The following ARMC9 variants were observed in gnomAD, a reference collection of about 807,000 sequenced individuals.
The protein encoded by ARMC9 is lisH domain-containing protein ARMC9.
ARMC9 carries 94 observed loss-of-function variants against 107.0 expected under a neutral mutation model. The ratio of observed to expected loss-of-function variants is 0.88; its 90% confidence interval spans 0.74 to 1.04. ARMC9 has a LOEUF of 1.04. Among genes scored for constraint, ARMC9 ranks in the 50% least tolerant of loss-of-function variants. The probability of loss-of-function intolerance (pLI) is 0.00; values close to 1 mark genes in which losing one functional copy is unlikely to be tolerated. For missense variants in ARMC9, 942 were observed against 1,030.1 expected (o/e 0.91, Z 1.17); for synonymous variants, 380 against 396.9 (o/e 0.96, Z 0.51).
At chr2:231,317,781 T>A (rs1466131284) in intron 19 of ARMC9, among the ~76,000 whole-genome samples, 1 of 152,196 alleles carries the variant, frequency 6.6e-6, no homozygotes, top group African/African-American at 2.4e-5. Context: ...TGAGCTCATC[T>A]ATTGAATTCT....
chr2:231,233,388 G>A (rs945484350), intron 7 of ARMC9, among the ~76,000 whole-genome samples: 6 of 152,156 alleles, frequency 3.9e-5, no homozygotes, highest in African/African-American at 1.4e-4. Context: ...CTCTGGGAGT[G>A]AGGCCTGATC....
rs2039477650 is a variant in ARMC9, at chr2:231,273,076, C to G, written c.1332C>G (p.Leu444=). 6.2e-7 allele frequency: 1 copy of G among 1,612,542 alleles called. No individual in the cohort carries two copies. Among genetic ancestry groups the G allele is most frequent in the African/African-American group, 1.3e-5 (1 of 74,870 alleles). ...TTGGGGCCCTGCAGAAGTTCAGTCT[C>G]AGGTAACGACTGTGCAATAGGTCAC... ...NVLGALQKFS[L]RRPLQTAMIQ... is the part of the protein sequence containing the mutation. The change falls in exon 14 of 25, where the codon CTC becomes CTG. Residue 444 remains leucine, a splice_region_variant and synonymous_variant. Transcript: ENST00000611582.
intron 5 of ARMC9, among the ~76,000 whole-genome samples, chr2:231,217,980 A>C (rs984097993): frequency 7.1e-6 from 1 of 139,984 alleles, no homozygotes; most frequent in African/African-American, 2.8e-5. Flanking sequence ...GGCGTGAGCC[A>C]CCGCGCCTTG....
At chr2:231,209,772 G>A (rs1457234980) in intron 3 of ARMC9, among the ~76,000 whole-genome samples, 2 of 152,074 alleles carry the variant, frequency 1.3e-5, no homozygotes, top group African/African-American at 2.4e-5. Flanking sequence ...CTGACCTTTG[G>A]TGATCCACCC....
chr2:231,332,629 T>TGAG (rs2043817896), intron 20 of ARMC9, among the ~76,000 whole-genome samples: 1 of 151,926 alleles, frequency 6.6e-6, no homozygotes, highest in East Asian at 1.9e-4. Context: ...GGGCAGGATG[T>TGAG]GAGTCAGGAG....
chr2:231,211,728 G>A (rs1231000843), intron 3 of ARMC9, among the ~76,000 whole-genome samples: 2 of 152,116 alleles, frequency 1.3e-5, no homozygotes, highest in Non-Finnish European at 1.5e-5. Context: ...CAGTACATAA[G>A]CGTTCCAGTT....
rs566429969 is a variant in ARMC9, at chr2:231,370,267, C to G, written c.2434+142C>G. On this transcript the variant is annotated intron_variant, in intron 24 of 24. Coordinates refer to ENST00000611582, the MANE Select transcript of ARMC9 (RefSeq NM_001352754.2). ...AGGGCAGAAGGCCTGCTTCCCTTCC[C>G]CACACAACCAGGCCCCAGCAGGTGG... 9 of 960,536 alleles carry G rather than the reference C, an allele frequency of 9.4e-6. No homozygotes were observed. In the East Asian group the frequency reaches 2.1e-4, roughly 23 times the overall value. The allele number at this position is 960,536 out of a possible 1,614,324, so 59.5% of individuals were successfully genotyped here. A position where few individuals can be genotyped will look rare whatever the true frequency, so the allele number is the denominator to read the frequency against.
intron 19 of ARMC9, among the ~76,000 whole-genome samples, chr2:231,303,459 CCTT>C (rs2041875645): frequency 6.6e-6 from 1 of 152,184 alleles, no homozygotes; most frequent in Non-Finnish European, 1.5e-5. Context: ...TGTTTTCAGT[CCTT>C]CTCCATCTAG....
At chr2:231,316,160 A>G (rs927448933) in intron 19 of ARMC9, among the ~76,000 whole-genome samples, 18 of 147,520 alleles carry the variant, frequency 1.2e-4, no homozygotes, top group African/African-American at 2.0e-4. Flanking sequence ...GTGTGTATGT[A>G]TGTGTGTGTG....
chr2:231,257,004 G>T (rs1009773572), intron 10 of ARMC9, among the ~76,000 whole-genome samples: 1 of 152,108 alleles, frequency 6.6e-6, no homozygotes. Context: ...TAATAAAGAC[G>T]GGTTTTCTCC....
chr2:231,213,831 G>A (rs941831383), intron 3 of ARMC9, among the ~76,000 whole-genome samples: 2 of 152,198 alleles, frequency 1.3e-5, no homozygotes, highest in Admixed American at 6.5e-5. Flanking sequence ...AATAACAATG[G>A]TATTGGGTGG....
chr2:231,312,081 CAAT>C (rs2042385080), intron 19 of ARMC9, among the ~76,000 whole-genome samples: 4 of 152,260 alleles, frequency 2.6e-5, no homozygotes, highest in Admixed American at 1.3e-4. Flanking sequence ...GCTTAAAAAA[CAAT>C]AATATTTTCC....
intron 20 of ARMC9, among the ~76,000 whole-genome samples, chr2:231,334,906 C>G (rs1303515713): frequency 6.6e-6 from 1 of 152,128 alleles, no homozygotes; most frequent in African/African-American, 2.4e-5. Context: ...CTGAGGAGCT[C>G]TGACCAAGAT....
chr2:231,315,721 T>C (rs997732174), intron 19 of ARMC9, among the ~76,000 whole-genome samples: 3 of 125,596 alleles, frequency 2.4e-5, no homozygotes, highest in Admixed American at 7.2e-5. Context: ...AAAATTGTTT[T>C]GTTTAATATT....
chr2:231,349,888 T>C (rs1167753891), intron 21 of ARMC9, among the ~76,000 whole-genome samples: 1 of 152,020 alleles, frequency 6.6e-6, no homozygotes, highest in Non-Finnish European at 1.5e-5. Flanking sequence ...ATGATTGGAA[T>C]TTTTTTTACA....
chr2:231,246,935 G>A (rs546474042), intron 9 of ARMC9, among the ~76,000 whole-genome samples: 1 of 149,662 alleles, frequency 6.7e-6, no homozygotes, highest in Admixed American at 6.6e-5. Flanking sequence ...TGGGACTACA[G>A]ATACATGTCA....
chr2:231,276,574 G>A (rs2039773860), intron 14 of ARMC9, 62 bp from the exon 15 acceptor site: 1 of 1,606,810 alleles, frequency 6.2e-7, no homozygotes, highest in Non-Finnish European at 8.5e-7. Context: ...CCAGCCTACT[G>A]TTTCCTCTTA....
chr2:231,360,687 C>T lies in ARMC9; in HGVS notation c.2132-67C>T. 4 of 1,535,718 alleles carry T rather than the reference C, an allele frequency of 2.6e-6. No individual in the cohort carries two copies. The highest frequency in any genetic ancestry group is 3.5e-6 in the Non-Finnish European group (4 of 1,146,628). On this transcript the variant is annotated intron_variant, in intron 22 of 24. Coordinates refer to ENST00000611582, the MANE Select transcript of ARMC9 (RefSeq NM_001352754.2). The surrounding 1 kb of genome is among the most constrained non-coding windows in gnomAD (Gnocchi z 4.7). Reference sequence around the variant, plus strand: ...CTTTTCTTGGCTTTCCAACCCAGCCCACGAGAGGGCATCCTTAGAGGGGCT... The same window carrying T: ...CTTTTCTTGGCTTTCCAACCCAGCCTACGAGAGGGCATCCTTAGAGGGGCT...
intron 9 of ARMC9, among the ~76,000 whole-genome samples, chr2:231,246,664 A>G (rs113151349): frequency 0.02 from 2,978 of 152,302 alleles, 100 homozygotes; most frequent in African/African-American, 0.069. Flanking sequence ...TGCCATGAAC[A>G]TATGAGTACG....
Sources: gnomAD v4.1 joint callset for allele counts (sites outside exome capture counted in the v4.1 genomes callset) on GRCh38, gnomAD v4.1.1 for gene constraint, Gnocchi (gnomAD v3.1) non-coding constraint, MANE v1.5 for transcripts, NCBI Gene and HGNC (gene_info 2026-07-23, HGNC 2026-07-21) for gene names.